PDZD2: variants seen among roughly 807,000 people sequenced by gnomAD.
PDZD2 encodes the protein PDZ domain containing 2, also known as PDZ domain-containing protein 2.
Under a neutral mutation model 220.7 loss-of-function variants are expected in PDZD2, and 90 were observed. The observed-to-expected ratio is 0.41, with a 90% CI of 0.34 to 0.49. The LOEUF is 0.49. Ranked by LOEUF, PDZD2 falls within the 20% of genes least tolerant of loss-of-function variation. PDZD2 has a pLI of 0.28. For missense variants in PDZD2, 3,174 were observed against 3,608.5 expected (o/e 0.88, Z 3.08); for synonymous variants, 1,375 against 1,450.5 (o/e 0.95, Z 1.18).
At chr5:31,974,489 T>A (rs1030944061) in intron 2 of PDZD2, among the ~76,000 whole-genome samples, 1 of 152,228 alleles carries the variant, frequency 6.6e-6, no homozygotes, top group Non-Finnish European at 1.5e-5. Context: ...AAAAGACCAA[T>A]TATAAACTGA....
chr5:31,807,304 C>A (rs1754792371), intron 2 of PDZD2, among the ~76,000 whole-genome samples: 1 of 152,148 alleles, frequency 6.6e-6, no homozygotes, highest in Admixed American at 6.5e-5. Flanking sequence ...AGAGGTGTGT[C>A]AGGCTTTTGG....
At chr5:31,641,375 C>G (rs960357240) in intron 1 of PDZD2, among the ~76,000 whole-genome samples, 9 of 152,106 alleles carry the variant, frequency 5.9e-5, no homozygotes, top group Non-Finnish European at 1.3e-4. Context: ...AAAAAGAAGT[C>G]ACTTTTGCCA....
chr5:31,765,001 C>T (rs2059869), intron 1 of PDZD2, among the ~76,000 whole-genome samples: 142,890 of 151,964 alleles, frequency 0.94, 67,657 homozygotes, highest in Non-Finnish European at 0.97. Context: ...TGCTTGAACC[C>T]GGGAGGTGGA....
intron 8 of PDZD2, 196 bp from the exon 9 acceptor site, chr5:32,052,415 G>A (rs1446037456): frequency 2.0e-6 from 1 of 495,262 alleles, no homozygotes; most frequent in Admixed American, 3.2e-5. Context: ...CAAAGTGCTG[G>A]GATTACAGGC....
chr5:31,662,299 G>A (rs1175802177), intron 1 of PDZD2, among the ~76,000 whole-genome samples: 1 of 152,042 alleles, frequency 6.6e-6, no homozygotes, highest in African/African-American at 2.4e-5. Context: ...CGACAAGGAT[G>A]AAACTCCATC....
chr5:32,044,522 G>A (rs114441286), intron 7 of PDZD2, among the ~76,000 whole-genome samples: 1,527 of 152,218 alleles, frequency 0.01, 23 homozygotes, highest in African/African-American at 0.035. Context: ...AGGGGACAGC[G>A]GTCTAGACTT....
chr5:31,709,728 G>T (rs1449413920), intron 1 of PDZD2, among the ~76,000 whole-genome samples: 1 of 152,228 alleles, frequency 6.6e-6, no homozygotes, highest in African/African-American at 2.4e-5. Context: ...GGCCAAGGCA[G>T]GTGTGTCATC....
At chr5:32,045,859 G>A (rs1581367099) in intron 7 of PDZD2, among the ~76,000 whole-genome samples, 1 of 150,826 alleles carries the variant, frequency 6.6e-6, no homozygotes, top group Non-Finnish European at 1.5e-5. Context: ...CCATATGACT[G>A]TATCAGCTTT....
At chr5:31,974,958 T>C (rs1581193738) in intron 2 of PDZD2, among the ~76,000 whole-genome samples, 1 of 152,298 alleles carries the variant, frequency 6.6e-6, no homozygotes, top group East Asian at 1.9e-4. Context: ...TGGTAGTTGA[T>C]AATTTGAATT....
chr5:31,758,219 T>A (rs1400072792), intron 1 of PDZD2, among the ~76,000 whole-genome samples: 1 of 152,232 alleles, frequency 6.6e-6, no homozygotes, highest in Non-Finnish European at 1.5e-5. Flanking sequence ...GTATTTTGTG[T>A]CTTCTCTGAG....
intron 2 of PDZD2, among the ~76,000 whole-genome samples, chr5:31,857,722 A>G (rs113063724): frequency 0.031 from 4,688 of 152,218 alleles, 106 homozygotes; most frequent in Non-Finnish European, 0.05. Flanking sequence ...GTCTTTTCCC[A>G]TCCATTTTAC....
At chr5:31,662,935 C>T (rs1388319728) in intron 1 of PDZD2, among the ~76,000 whole-genome samples, 1 of 152,112 alleles carries the variant, frequency 6.6e-6, no homozygotes, top group Non-Finnish European at 1.5e-5. Flanking sequence ...TGGCCAAGGC[C>T]CCACCTTCTA....
chr5:31,800,556 G>A (rs1754332764), intron 2 of PDZD2, among the ~76,000 whole-genome samples: 1 of 152,086 alleles, frequency 6.6e-6, no homozygotes, highest in Non-Finnish European at 1.5e-5. Context: ...TAAACTCTCT[G>A]GCAAGGCCAA....
intron 21 of PDZD2, among the ~76,000 whole-genome samples, chr5:32,093,683 GA>G (rs1159248451): frequency 6.6e-6 from 1 of 152,100 alleles, no homozygotes; most frequent in Non-Finnish European, 1.5e-5. Context: ...ACGTTATTAA[GA>G]AAATCCTAAG....
chr5:31,691,938 C>T lies in PDZD2; in HGVS notation c.-361+52501C>T, dbSNP rs948947625. On this transcript the variant is annotated intron_variant, in intron 1 of 24. Coordinates refer to ENST00000438447, the MANE Select transcript of PDZD2 (RefSeq NM_178140.4). ...CACGTCCCCACCAGACTCAGGAGCCCAGCTGGCTTCACCCAGTGGATCCCA... is the reference window on the plus strand; with the variant it reads ...CACGTCCCCACCAGACTCAGGAGCCTAGCTGGCTTCACCCAGTGGATCCCA... Among the ~76,000 whole-genome samples the T allele has an allele frequency of 5.9e-5, 9 of 152,370 alleles. No individual in the cohort carries two copies. In the East Asian group the frequency reaches 7.7e-4, roughly 13 times the overall value.
chr5:32,084,947 CCT>C (rs1742296252), intron 19 of PDZD2, among the ~76,000 whole-genome samples: 2 of 131,158 alleles, frequency 1.5e-5, no homozygotes, highest in South Asian at 5.0e-4. Context: ...CATTCTGTTG[CCT>C]TTTTTTTTTT....
intron 2 of PDZD2, among the ~76,000 whole-genome samples, chr5:31,957,480 T>C (rs2111665440): frequency 6.6e-6 from 1 of 152,268 alleles, no homozygotes; most frequent in Non-Finnish European, 1.5e-5. Flanking sequence ...CAGAAAATAA[T>C]TGCTTAAACA....
chr5:31,695,118 C>T (rs573905399), intron 1 of PDZD2, among the ~76,000 whole-genome samples: 4 of 151,648 alleles, frequency 2.6e-5, no homozygotes, highest in African/African-American at 7.3e-5. Context: ...AGCGAGACTC[C>T]GTCTCCAAAT....
intron 6 of PDZD2, among the ~76,000 whole-genome samples, chr5:32,026,818 A>G (rs78207591): frequency 0.025 from 3,821 of 152,308 alleles, 171 homozygotes; most frequent in African/African-American, 0.086. Flanking sequence ...CCTTACCTCA[A>G]TTTGAAATCT....
Sources: allele counts gnomAD v4.1 joint callset (sites outside exome capture counted in the v4.1 genomes callset), GRCh38; gene constraint gnomAD v4.1.1; transcripts MANE v1.5; gene names NCBI Gene and HGNC (gene_info 2026-07-23, HGNC 2026-07-21).